The following SATB2 variants were observed in gnomAD, a reference collection of about 807,000 sequenced individuals.
SATB2 encodes DNA-binding protein SATB2.
A neutral mutation model predicts 73.4 loss-of-function variants in SATB2; 1 was observed. That is an observed-to-expected ratio of 0.01 (90% CI 0.00 to 0.06). The LOEUF (loss-of-function observed/expected upper bound fraction) is 0.06. Ranked by LOEUF, SATB2 falls within the 10% of genes least tolerant of loss-of-function variation. The probability of loss-of-function intolerance (pLI) is 1.00; values close to 1 mark genes in which losing one functional copy is unlikely to be tolerated. For missense variants in SATB2, 459 were observed against 945.8 expected (o/e 0.49, Z 6.75); for synonymous variants, 397 against 367.0 (o/e 1.08, Z -0.93).
At position 199,272,263 on chromosome 2, in the gene SATB2, T is replaced by C; in HGVS notation, c.2150A>G (p.Glu717Gly). ...SEEMYKVEAE[E>G]ENADKSKAAP... ...TGCCTTGCTTTTGTCAGCATTTTCCTCCTCAGCCTCCACTTTGTACATCTC... is the reference window on the plus strand; with the variant it reads ...TGCCTTGCTTTTGTCAGCATTTTCCCCCTCAGCCTCCACTTTGTACATCTC... The change falls in exon 11 of 11, where the codon GAG (glutamate) becomes GGG (glycine). Residue 717 changes from glutamate to glycine, a missense_variant. Physicochemically the swap from Glu to Gly is moderately conservative, Grantham distance 98. Coordinates refer to ENST00000417098, the MANE Select transcript of SATB2 (RefSeq NM_001172509.2). The surrounding 1 kb of genome is among the most constrained non-coding windows in gnomAD (Gnocchi z 6.7). The C allele has an allele frequency of 6.2e-7, 1 of 1,614,228 alleles. No homozygotes were observed. Among genetic ancestry groups the C allele is most frequent in the South Asian group, 1.1e-5 (1 of 91,090 alleles).
At chr2:199,459,257 G>A (rs1398356217), upstream of SATB2, among the ~76,000 whole-genome samples, 1 of 151,828 alleles carries the variant, frequency 6.6e-6, no homozygotes, top group Non-Finnish European at 1.5e-5. The surrounding 1 kb of genome is among the most constrained non-coding windows in gnomAD (Gnocchi z 4.2). Flanking sequence ...GGGGGAGGCC[G>A]CACAGGAGCG....
intron 10 of SATB2, among the ~76,000 whole-genome samples, chr2:199,278,344 C>T (rs550239664): frequency 6.6e-6 from 1 of 152,324 alleles, no homozygotes; most frequent in South Asian, 2.1e-4. Flanking sequence ...TGGGTATTTA[C>T]ATTTAAACTA....
intron 10 of SATB2, among the ~76,000 whole-genome samples, chr2:199,302,578 C>T (rs1574486702): frequency 6.6e-6 from 1 of 152,160 alleles, no homozygotes; most frequent in Admixed American, 6.6e-5. Context: ...ATTTGCATCT[C>T]TCCTCAGGAC....
chr2:199,459,310 T>C (rs1215778675), upstream of SATB2, among the ~76,000 whole-genome samples: 1 of 151,806 alleles, frequency 6.6e-6, no homozygotes, highest in Non-Finnish European at 1.5e-5. This position sits in a 1 kb window ranked among gnomAD's most constrained non-coding sequence, Gnocchi z 4.2. Flanking sequence ...CCACAAACTT[T>C]TGCCGACTCC....
At chr2:199,458,230 G>A, upstream of SATB2, 2 of 229,526 alleles carry the variant, frequency 8.7e-6, no homozygotes, top group South Asian at 4.0e-5. Flanking sequence ...GGGAGGTTGC[G>A]GGGGGAGGGG....
At chr2:199,314,401 G>A (rs913586879) in intron 9 of SATB2, among the ~76,000 whole-genome samples, 4 of 151,292 alleles carry the variant, frequency 2.6e-5, no homozygotes, top group African/African-American at 7.4e-5. Flanking sequence ...CTGTTCTAAG[G>A]TTTGTTTCCC....
chr2:199,390,820 C>A (rs1690108758), intron 3 of SATB2, among the ~76,000 whole-genome samples: 1 of 152,114 alleles, frequency 6.6e-6, no homozygotes, highest in African/African-American at 2.4e-5. Flanking sequence ...TCCCTGGAAA[C>A]TCTCTATCAA....
chr2:199,292,793 GA>G (rs1692908942), intron 10 of SATB2, among the ~76,000 whole-genome samples: 1 of 152,124 alleles, frequency 6.6e-6, no homozygotes, highest in South Asian at 2.1e-4. Flanking sequence ...ATTTAATAGA[GA>G]AAAAGCACTT....
intron 7 of SATB2, among the ~76,000 whole-genome samples, chr2:199,334,845 T>C (rs1688290142): frequency 6.6e-6 from 1 of 152,156 alleles, no homozygotes; most frequent in African/African-American, 2.4e-5. Flanking sequence ...ACCTGAAAGC[T>C]GACCCAACAA....
intron 3 of SATB2, among the ~76,000 whole-genome samples, chr2:199,425,741 G>C (rs922548385): frequency 3.3e-5 from 5 of 151,872 alleles, no homozygotes; most frequent in Non-Finnish European, 7.4e-5. Context: ...CAAATATAAG[G>C]AATACAGAAC....
At chr2:199,443,623 C>T (rs778837149) in intron 2 of SATB2, among the ~76,000 whole-genome samples, 3 of 150,464 alleles carry the variant, frequency 2.0e-5, no homozygotes, top group Non-Finnish European at 4.4e-5. Context: ...AAAACATTTA[C>T]GGATACTTAA....
At chr2:199,454,215 T>C (rs1692209920) in intron 2 of SATB2, among the ~76,000 whole-genome samples, 2 of 152,086 alleles carry the variant, frequency 1.3e-5, no homozygotes, top group South Asian at 2.1e-4. Flanking sequence ...TTGTTAACAA[T>C]TACATTCTAA....
At chr2:199,378,261 G>A (rs1689661813) in intron 5 of SATB2, among the ~76,000 whole-genome samples, 1 of 152,148 alleles carries the variant, frequency 6.6e-6, no homozygotes, top group Non-Finnish European at 1.5e-5. Flanking sequence ...AGAAGCCCTG[G>A]ATAAATTTCT....
At chr2:199,335,816 C>T (rs957077526) in intron 7 of SATB2, among the ~76,000 whole-genome samples, 4 of 152,174 alleles carry the variant, frequency 2.6e-5, no homozygotes, top group African/African-American at 9.7e-5. Context: ...ATATTTCAGG[C>T]ACCCTAAGTC....
chr2:199,327,878 T>C (rs994916542), intron 8 of SATB2, among the ~76,000 whole-genome samples: 28 of 152,284 alleles, frequency 1.8e-4, no homozygotes, highest in Admixed American at 1.3e-3. Context: ...ACACTGCATA[T>C]GCATGCTTCC....
intron 3 of SATB2, among the ~76,000 whole-genome samples, chr2:199,419,779 T>C (rs372584857): frequency 6.6e-6 from 1 of 152,232 alleles, no homozygotes; most frequent in African/African-American, 2.4e-5. Flanking sequence ...CATGCAATTA[T>C]ATATGAAATT....
chr2:199,321,323 A>G (rs529096879), intron 9 of SATB2, among the ~76,000 whole-genome samples: 1 of 151,930 alleles, frequency 6.6e-6, no homozygotes, highest in East Asian at 1.9e-4. Flanking sequence ...GTCTATGTAT[A>G]GACATATATG....
rs1450281506 is a variant in SATB2, at chr2:199,457,062, C to T, written c.-60+277G>A. On this transcript the variant is annotated intron_variant, in intron 1 of 10. Coordinates refer to ENST00000417098, the MANE Select transcript of SATB2 (RefSeq NM_001172509.2). This position sits in a 1 kb window ranked among gnomAD's most constrained non-coding sequence, Gnocchi z 4.8. Reference sequence around the variant, plus strand: ...CCCGCAAGAAGCAAGACCCCGGCACCGTACTGCGTGCGCGCTGGGAATCCT... The same window carrying T: ...CCCGCAAGAAGCAAGACCCCGGCACTGTACTGCGTGCGCGCTGGGAATCCT... Among the ~76,000 whole-genome samples the T allele has an allele frequency of 6.6e-6, 1 of 152,162 alleles. No individual in the cohort carries two copies. The highest frequency in any genetic ancestry group is 2.4e-5 in the African/African-American group (1 of 41,466).
chr2:199,374,244 C>T (rs1386352645), intron 5 of SATB2, among the ~76,000 whole-genome samples: 1 of 152,210 alleles, frequency 6.6e-6, no homozygotes, highest in Non-Finnish European at 1.5e-5. Flanking sequence ...AAAGTCTCAG[C>T]CAGCACCATG....
Sources: allele counts gnomAD v4.1 joint callset (sites outside exome capture counted in the v4.1 genomes callset), GRCh38; gene constraint gnomAD v4.1.1; non-coding constraint Gnocchi (gnomAD v3.1); transcripts MANE v1.5; gene names NCBI Gene and HGNC (gene_info 2026-07-23, HGNC 2026-07-21).